The following NT5DC3 variants were observed in gnomAD, a reference collection of about 807,000 sequenced individuals.
NT5DC3 encodes the protein 5'-nucleotidase domain containing 3, also known as 5'-nucleotidase domain-containing protein 3.
Under a neutral mutation model 67.8 loss-of-function variants are expected in NT5DC3, and 42 were observed. That is an observed-to-expected ratio of 0.62 (90% CI 0.48 to 0.80). The LOEUF (loss-of-function observed/expected upper bound fraction) is 0.80. Among genes scored for constraint, NT5DC3 ranks in the 30% least tolerant of loss-of-function variants. NT5DC3 has a pLI of 0.00. For synonymous variants in NT5DC3, 237 were observed against 255.6 expected (o/e 0.93, Z 0.69); for missense variants, 570 against 696.4 (o/e 0.82, Z 2.04).
the NT5DC3 span, chr12:103,763,661 A>T: frequency 3.3e-5 from 49 of 1,485,856 alleles, no homozygotes; most frequent in Admixed American, 5.2e-4. Flanking sequence ...CAGGGGAATG[A>T]TGTCTTTTAG....
At position 103,782,125 on chromosome 12, in the gene NT5DC3, T is replaced by G. The variant is rs554416033; in HGVS notation, c.1330-1761A>C. On this transcript the variant is annotated intron_variant, in intron 12 of 13. Transcript: ENST00000392876. The stretch of plus-strand genomic sequence containing the variant: ...TAGCTCACGCCTATAATCCCAGCAT[T>G]TTGGGAGGCCAAGGCAGGTGGATCA... 2.6e-5 allele frequency among the ~76,000 whole-genome samples: 4 copies of G among 152,270 alleles called. No homozygotes were observed. In the South Asian group the frequency reaches 8.3e-4, roughly 32 times the overall value.
intron 1 of NT5DC3, among the ~76,000 whole-genome samples, chr12:103,815,700 G>A (rs1041812684): frequency 6.6e-6 from 1 of 152,192 alleles, no homozygotes. Flanking sequence ...GGGATTACAG[G>A]CATGCACCTC....
chr12:103,789,097 A>C (rs538486173), intron 9 of NT5DC3, 178 bp from the exon 10 acceptor site: 1 of 587,304 alleles, frequency 1.7e-6, no homozygotes, highest in Admixed American at 2.9e-5. Flanking sequence ...AATTGTGTGA[A>C]GCCCAGTATC....
the NT5DC3 span, chr12:103,749,197 T>TG: frequency 1.3e-6 from 2 of 1,552,412 alleles, no homozygotes; most frequent in Non-Finnish European, 1.7e-6. Flanking sequence ...AGCAGCGCCG[T>TG]GGGCTTCGCT....
At chr12:103,831,951 A>G (rs1043537155) in intron 1 of NT5DC3, among the ~76,000 whole-genome samples, 1 of 151,272 alleles carries the variant, frequency 6.6e-6, no homozygotes, top group Non-Finnish European at 1.5e-5. Flanking sequence ...TAATTTTTGT[A>G]TTTTTAGTAG....
At chr12:103,748,723 T>C in the NT5DC3 span, among the ~76,000 whole-genome samples, 2 of 151,850 alleles carry the variant, frequency 1.3e-5, no homozygotes, top group African/African-American at 4.8e-5. Flanking sequence ...CCTGGAGGTA[T>C]ATGACAAAGG....
At chr12:103,762,315 C>T in the NT5DC3 span, 1 of 1,614,232 alleles carries the variant, frequency 6.2e-7, no homozygotes, top group Non-Finnish European at 8.5e-7. Context: ...TCTTCTTTGC[C>T]ATCATCCTGG....
intron 1 of NT5DC3, among the ~76,000 whole-genome samples, chr12:103,831,588 C>T (rs1887928549): frequency 6.6e-6 from 1 of 152,062 alleles, no homozygotes; most frequent in South Asian, 2.1e-4. Context: ...TCTCTATTGT[C>T]TCCCTGCACG....
At chr12:103,769,307 G>A (rs1885130756), downstream of NT5DC3, among the ~76,000 whole-genome samples, 1 of 152,158 alleles carries the variant, frequency 6.6e-6, no homozygotes, top group Non-Finnish European at 1.5e-5. Context: ...ACTGTAGCCT[G>A]TCACATGAGG....
the NT5DC3 span, among the ~76,000 whole-genome samples, chr12:103,749,645 C>A: frequency 2.0e-5 from 3 of 148,670 alleles, no homozygotes; most frequent in Non-Finnish European, 4.5e-5. Flanking sequence ...CTGGCTAACA[C>A]GGTGAAACCC....
At chr12:103,754,630 G>A in the NT5DC3 span, among the ~76,000 whole-genome samples, 3 of 152,026 alleles carry the variant, frequency 2.0e-5, no homozygotes, top group African/African-American at 7.2e-5. Flanking sequence ...ATAACGATGA[G>A]AGCAATGATG....
chr12:103,833,633 C>T (rs1341547084), intron 1 of NT5DC3, among the ~76,000 whole-genome samples: 3 of 151,744 alleles, frequency 2.0e-5, no homozygotes. Flanking sequence ...AATCCCCATA[C>T]TTCTTTCCAC....
At chr12:103,834,513 A>C (rs1284405080) in intron 1 of NT5DC3, among the ~76,000 whole-genome samples, 1 of 152,194 alleles carries the variant, frequency 6.6e-6, no homozygotes, top group African/African-American at 2.4e-5. Flanking sequence ...AGGCTGGAAG[A>C]AAAAAAGGAG....
chr12:103,788,512 T>C (rs962827462), intron 10 of NT5DC3, among the ~76,000 whole-genome samples: 3 of 152,172 alleles, frequency 2.0e-5, no homozygotes, highest in Non-Finnish European at 4.4e-5. Flanking sequence ...TAATTAGTAA[T>C]TTGAGTGAAT....
chr12:103,787,364 C>A, intron 11 of NT5DC3, 77 bp downstream of exon 11: 2 of 690,748 alleles, frequency 2.9e-6, no homozygotes, highest in African/African-American at 1.8e-5. Flanking sequence ...AAGGTACATC[C>A]TTAAATAAAA....
At chr12:103,797,239 G>A (rs1411762949) in intron 5 of NT5DC3, among the ~76,000 whole-genome samples, 2 of 152,194 alleles carry the variant, frequency 1.3e-5, no homozygotes, top group Admixed American at 1.3e-4. Flanking sequence ...GGAGGCCAAG[G>A]CAGGTGGATC....
intron 1 of NT5DC3, among the ~76,000 whole-genome samples, chr12:103,828,781 C>T (rs1297901344): frequency 2.0e-5 from 3 of 151,094 alleles, no homozygotes; most frequent in African/African-American, 2.4e-5. Flanking sequence ...CACTGCAACA[C>T]TCTGCCACAC....
At chr12:103,836,839 C>T (rs1180963343) in intron 1 of NT5DC3, among the ~76,000 whole-genome samples, 2 of 152,158 alleles carry the variant, frequency 1.3e-5, no homozygotes, top group Non-Finnish European at 2.9e-5. Flanking sequence ...GGGTGGGCGT[C>T]GAATGTCTGT....
chr12:103,818,903 G>A (rs868307915), intron 1 of NT5DC3, among the ~76,000 whole-genome samples: 2 of 152,200 alleles, frequency 1.3e-5, no homozygotes, highest in Non-Finnish European at 2.9e-5. Flanking sequence ...TCGTCCATAT[G>A]ATGCAAGTGA....
Sources: allele counts gnomAD v4.1 joint callset (sites outside exome capture counted in the v4.1 genomes callset), GRCh38; gene constraint gnomAD v4.1.1; transcripts MANE v1.5; gene names NCBI Gene and HGNC (gene_info 2026-07-23, HGNC 2026-07-21).